ANKRD24: variants seen among roughly 807,000 people sequenced by gnomAD.
ANKRD24 encodes ankyrin repeat domain-containing protein 24.
Under a neutral mutation model 127.8 loss-of-function variants are expected in ANKRD24, and 109 were observed. The ratio of observed to expected loss-of-function variants is 0.85; its 90% confidence interval spans 0.73 to 1.00. The LOEUF (loss-of-function observed/expected upper bound fraction) is 1.00, where lower values mean the gene tolerates loss of function less well. ANKRD24 is among the 50% of genes least tolerant of loss of function. The pLI is 0.00. For synonymous variants in ANKRD24, 743 were observed against 671.1 expected, an observed-to-expected ratio of 1.11 and a Z score of -1.66; for missense variants, 1,648 against 1,570.2, an observed-to-expected ratio of 1.05 and a Z score of -0.84.
At position 4,217,589 on chromosome 19, in the gene ANKRD24, C is replaced by T. The variant is rs976838066; in HGVS notation, c.2429C>T (p.Ala810Val). ...GACTCCCGCCTGCGGGAGCTGGAGG[C>T]GGCCTCGGCCTGCCTGGATGAGGCT... ...DRDSRLRELE[A>V]ASACLDEARA... Residue 810 changes from alanine (A) to valine (V), a missense_variant, in exon 18 of 22, where the codon GCG becomes GTG. By Grantham distance (64) the Ala-to-Val change is moderately conservative. Coordinates refer to ENST00000318934, the MANE Select transcript of ANKRD24 (RefSeq NM_001393985.1). 12 of 1,305,796 alleles carry T rather than the reference C, an allele frequency of 9.2e-6. No homozygotes were observed. The highest frequency in any genetic ancestry group is 6.6e-5 in the East Asian group (2 of 30,520). The allele number at this position is 1,305,796 out of a possible 1,614,324, so 80.9% of individuals were successfully genotyped here.
chr19:4,191,626 T>C (rs352503), intron 2 of ANKRD24, among the ~76,000 whole-genome samples: 120,094 of 150,906 alleles, frequency 0.8, 48,796 homozygotes, highest in Middle Eastern at 0.88. Flanking sequence ...GGATTACAGG[T>C]GCACGCCACC....
At chr19:4,223,402 T>TATATATA (rs1491398712) in intron 20 of ANKRD24, among the ~76,000 whole-genome samples, 4 of 40,470 alleles carry the variant, frequency 9.9e-5, no homozygotes, top group Admixed American at 2.8e-4. Flanking sequence ...TATATATATA[T>TATATATA]TTTTTTTTTT....
Position 4,224,487 on chromosome 19 carries a change from C to G in ANKRD24, c.3423C>G (p.Leu1141=). The change falls in exon 22 of 22, where the codon CTC becomes CTG. Residue 1141 remains leucine, a synonymous_variant. Coordinates refer to ENST00000318934, the MANE Select transcript of ANKRD24 (RefSeq NM_001393985.1). ...GCCAGATTCTGCAGATGCAGAGACTCCAGGCTCAGGGCCGCTGAGAAAGGC... is the reference window on the plus strand; with the variant it reads ...GCCAGATTCTGCAGATGCAGAGACTGCAGGCTCAGGGCCGCTGAGAAAGGC... ...ILSQILQMQR[L]QAQGR is the part of the protein sequence containing the mutation. 1 of 1,610,710 alleles carries G rather than the reference C, an allele frequency of 6.2e-7. No homozygotes were observed. The highest frequency in any genetic ancestry group is 8.5e-7 in the Non-Finnish European group (1 of 1,178,590).
At chr19:4,216,511 A>T in intron 17 of ANKRD24, 39 bp from the exon 18 acceptor site, 1 of 1,571,522 alleles carries the variant, frequency 6.4e-7, no homozygotes, top group African/African-American at 1.4e-5. Context: ...CGGTCACATC[A>T]ACTCCTGCCA....
chr19:4,213,810 T>C (rs1375628067), intron 15 of ANKRD24, among the ~76,000 whole-genome samples: 2 of 152,018 alleles, frequency 1.3e-5, no homozygotes, highest in African/African-American at 4.8e-5. Flanking sequence ...AATTTTTGTA[T>C]TTGTAGTAGA....
intron 18 of ANKRD24, 37 bp downstream of exon 18, chr19:4,218,200 A>T: frequency 1.4e-6 from 2 of 1,409,238 alleles, no homozygotes; most frequent in Non-Finnish European, 1.9e-6. Flanking sequence ...CCCCACCCCC[A>T]TTGGCCACGT....
At position 4,199,632 on chromosome 19, in the gene ANKRD24, T is replaced by G. The variant is rs1181847218; in HGVS notation, c.37-51T>G. On this transcript the variant is annotated intron_variant, in intron 2 of 21. Coordinates refer to ENST00000318934, the MANE Select transcript of ANKRD24 (RefSeq NM_001393985.1). This position sits in a 1 kb window ranked among gnomAD's most constrained non-coding sequence, Gnocchi z 5.2. ...GGGCAGATGCTGGGGGTCGCAGGCT[T>G]GGGGGACACTGTCTGAGGACCCCCT... 6 of 1,491,952 alleles carry G rather than the reference T, an allele frequency of 4.0e-6. No individual in the cohort carries two copies. Among genetic ancestry groups the G allele is most frequent in the Non-Finnish European group, 5.3e-6 (6 of 1,127,254 alleles). The allele number at this position is 1,491,952 out of a possible 1,614,324, so 92.4% of individuals were successfully genotyped here. A position where few individuals can be genotyped will look rare whatever the true frequency, so the allele number is the denominator to read the frequency against.
At chr19:4,197,132 G>C (rs574553537) in intron 2 of ANKRD24, among the ~76,000 whole-genome samples, 1 of 152,242 alleles carries the variant, frequency 6.6e-6, no homozygotes, top group Admixed American at 6.5e-5. Context: ...CCCATTTTAC[G>C]GAGGAGGAAG....
rs1047439827 is a variant in ANKRD24 at position 4,186,560 on chromosome 19, C to T, written c.36+99C>T. 17 of 1,340,702 alleles carry T rather than the reference C, an allele frequency of 1.3e-5. No homozygotes were observed. In the Admixed American group the frequency reaches 2.0e-4, roughly 16 times the overall value. The allele number at this position is 1,340,702 out of a possible 1,614,324, so 83.1% of individuals were successfully genotyped here. A position where few individuals can be genotyped will look rare whatever the true frequency, so the allele number is the denominator to read the frequency against. On this transcript the variant is annotated intron_variant, in intron 2 of 21. Coordinates refer to ENST00000318934, the MANE Select transcript of ANKRD24 (RefSeq NM_001393985.1). ...ATCCACCCTTTCATTCCAGTACCCA[C>T]CTCTTCTCCTTTCCTCTCTGCTGCC...
chr19:4,223,217 G>A (rs1970537527), intron 20 of ANKRD24, among the ~76,000 whole-genome samples: 1 of 151,428 alleles, frequency 6.6e-6, no homozygotes, highest in Non-Finnish European at 1.5e-5. Flanking sequence ...ACAGGCATAA[G>A]CCACTGCTCC....
intron 2 of ANKRD24, among the ~76,000 whole-genome samples, chr19:4,192,347 C>A (rs959174813): frequency 2.0e-5 from 3 of 150,698 alleles, no homozygotes; most frequent in Non-Finnish European, 4.4e-5. Context: ...TGTCTTTTTT[C>A]TTTTTATATT....
At chr19:4,213,326 C>T (rs1044311644) in intron 15 of ANKRD24, among the ~76,000 whole-genome samples, 12 of 147,176 alleles carry the variant, frequency 8.2e-5, no homozygotes, top group African/African-American at 2.6e-4. Context: ...CCCTCCTTCC[C>T]TTCCTTCCTT....
At position 4,224,484 on chromosome 19, in the gene ANKRD24, A is replaced by C. The variant is rs373359152; in HGVS notation, c.3420A>C (p.Arg1140Ser). The change falls in exon 22 of 22, where the codon AGA becomes AGC. Residue 1140 changes from arginine (R) to serine (S), a missense_variant. By Grantham distance (110) the Arg-to-Ser change is moderately radical. Transcript: ENST00000318934. ...RILSQILQMQ[R>S]LQAQGR ...TCAGCCAGATTCTGCAGATGCAGAG[A>C]CTCCAGGCTCAGGGCCGCTGAGAAA... is the stretch of plus-strand genomic sequence containing the variant. The C allele has an allele frequency of 6.2e-7, 1 of 1,610,906 alleles. No homozygotes were observed. Among genetic ancestry groups the C allele is most frequent in the Non-Finnish European group, 8.5e-7 (1 of 1,178,764 alleles).
chr19:4,207,859 C>A lies in ANKRD24; in HGVS notation c.723C>A (p.Gly241=). 1 of 1,562,648 alleles carries A rather than the reference C, an allele frequency of 6.4e-7. No homozygotes were observed. The highest frequency in any genetic ancestry group is 8.7e-7 in the Non-Finnish European group (1 of 1,156,064). Residue 241 remains glycine, a synonymous_variant, in exon 10 of 22, where the codon GGC becomes GGA. Transcript: ENST00000318934. ...TGCTGCAGGGCGGAGCCCAGCCGGG[C>A]ATCACCGATGCGCTGGGGCAGGACG... is the stretch of plus-strand genomic sequence containing the variant. ...EVLLQGGAQP[G]ITDALGQDAA...
intron 16 of ANKRD24, 42 bp downstream of exon 16, chr19:4,216,092 C>T (rs1398466134): frequency 6.5e-7 from 1 of 1,543,672 alleles, no homozygotes; most frequent in Non-Finnish European, 8.8e-7. Context: ...CGCCTTGTCC[C>T]CTGGGGCCCT....
chr19:4,190,267 C>G (rs143368241), intron 2 of ANKRD24, among the ~76,000 whole-genome samples: 165 of 151,922 alleles, frequency 1.1e-3, no homozygotes, highest in Admixed American at 2.4e-3. Flanking sequence ...AACCCCGTCT[C>G]TACTAAAAAT....
chr19:4,218,283 T>TTTTATTTATTTATTATTTATTTA (rs1970243573), intron 18 of ANKRD24, 120 bp downstream of exon 18: 2 of 658,082 alleles, frequency 3.0e-6, no homozygotes, highest in African/African-American at 3.9e-5. Context: ...ACCTACTTTA[T>TTTTATTTATTTATTATTTATTTA]TTTATTTATT....
At chr19:4,191,104 G>A (rs1968358699) in intron 2 of ANKRD24, among the ~76,000 whole-genome samples, 1 of 152,196 alleles carries the variant, frequency 6.6e-6, no homozygotes, top group African/African-American at 2.4e-5. Flanking sequence ...CCTGAGGTTA[G>A]CCCATAGCCT....
chr19:4,196,738 G>GGCCT (rs1968767472), intron 2 of ANKRD24, among the ~76,000 whole-genome samples: 1 of 152,186 alleles, frequency 6.6e-6, no homozygotes, highest in Admixed American at 6.6e-5. Context: ...AGAGTCTCCA[G>GGCCT]GCCTGCGAAT....
Sources: allele counts gnomAD v4.1 joint callset (sites outside exome capture counted in the v4.1 genomes callset), GRCh38; gene constraint gnomAD v4.1.1; non-coding constraint Gnocchi (gnomAD v3.1); transcripts MANE v1.5; gene names NCBI Gene and HGNC (gene_info 2026-07-23, HGNC 2026-07-21).